Variants in ZHX2 observed in about 807,000 individuals in gnomAD.
ZHX2 encodes zinc fingers and homeoboxes 2.
In ZHX2, 6 loss-of-function variants were observed where a neutral mutation model predicts 21.9. The observed-to-expected ratio is 0.27, with a 90% confidence interval of 0.15 to 0.54. The LOEUF (loss-of-function observed/expected upper bound fraction) is 0.54. Among genes scored for constraint, ZHX2 ranks in the 20% least tolerant of loss-of-function variants. The pLI is 0.95. For missense variants in ZHX2, 908 were observed against 1,090.7 expected (o/e 0.83, Z 2.36); for synonymous variants, 434 against 437.1 (o/e 0.99, Z 0.09).
At chr8:122,913,553 T>A (rs770635142) in intron 2 of ZHX2, among the ~76,000 whole-genome samples, 42 of 152,134 alleles carry the variant, frequency 2.8e-4, no homozygotes, top group Non-Finnish European at 4.1e-4. Flanking sequence ...GGTGGGACTC[T>A]CCCTCTGAGG....
At chr8:122,838,837 A>T (rs559108863) in intron 1 of ZHX2, among the ~76,000 whole-genome samples, 87 of 152,150 alleles carry the variant, frequency 5.7e-4, no homozygotes, top group African/African-American at 2.0e-3. Flanking sequence ...GCCCTCCCAG[A>T]GTGCTGGAAT....
intron 2 of ZHX2, among the ~76,000 whole-genome samples, chr8:122,874,517 G>C (rs1819518678): frequency 6.6e-6 from 1 of 152,096 alleles, no homozygotes; most frequent in Admixed American, 6.6e-5. Flanking sequence ...ATTTTTAGTA[G>C]AGATGGGGTT....
At chr8:122,867,935 G>C (rs190425237) in intron 2 of ZHX2, among the ~76,000 whole-genome samples, 164 of 152,148 alleles carry the variant, frequency 1.1e-3, no homozygotes, top group East Asian at 1.7e-3. Flanking sequence ...GTTTTTCAGA[G>C]GCTCTTCCTT....
chr8:122,969,190 T>C (rs1813659402), intron 3 of ZHX2, among the ~76,000 whole-genome samples: 1 of 151,150 alleles, frequency 6.6e-6, no homozygotes, highest in Non-Finnish European at 1.5e-5. Flanking sequence ...AGAAATATTA[T>C]GGAGCAGTAC....
At chr8:122,808,199 T>A (rs1482065044) in intron 1 of ZHX2, among the ~76,000 whole-genome samples, 1 of 152,234 alleles carries the variant, frequency 6.6e-6, no homozygotes, top group Non-Finnish European at 1.5e-5. Context: ...CAGATTTATA[T>A]ATATGTATGC....
intron 3 of ZHX2, among the ~76,000 whole-genome samples, chr8:122,972,302 T>TG (rs1813744176): frequency 6.6e-6 from 1 of 152,218 alleles, no homozygotes; most frequent in African/African-American, 2.4e-5. Flanking sequence ...TATATACTTT[T>TG]GGGGGGACAC....
At chr8:122,834,691 G>A (rs1818457981) in intron 1 of ZHX2, among the ~76,000 whole-genome samples, 1 of 152,192 alleles carries the variant, frequency 6.6e-6, no homozygotes, top group African/African-American at 2.4e-5. Flanking sequence ...TGGTGGATTG[G>A]GAGATGAACC....
intron 1 of ZHX2, among the ~76,000 whole-genome samples, chr8:122,830,993 T>C (rs985232978): frequency 6.6e-6 from 1 of 152,194 alleles, no homozygotes; most frequent in Non-Finnish European, 1.5e-5. Flanking sequence ...GTGGAGAACT[T>C]ACTTTATTCT....
chr8:122,788,601 A>G (rs568339648), intron 1 of ZHX2, among the ~76,000 whole-genome samples: 10 of 152,236 alleles, frequency 6.6e-5, no homozygotes, highest in Admixed American at 3.9e-4. Flanking sequence ...TAGGAAACGA[A>G]AGCTCAGAGG....
chr8:122,963,299 T>C (rs1813501829), intron 3 of ZHX2, among the ~76,000 whole-genome samples: 1 of 152,214 alleles, frequency 6.6e-6, no homozygotes, highest in African/African-American at 2.4e-5. Flanking sequence ...GATTTTTGTA[T>C]AAGGTGAGAG....
intron 2 of ZHX2, among the ~76,000 whole-genome samples, chr8:122,879,143 A>G (rs188472236): frequency 4.8e-4 from 73 of 152,324 alleles, no homozygotes; most frequent in African/African-American, 1.7e-3. Context: ...GGATTCCTGA[A>G]AGGCAGTCTG....
intron 2 of ZHX2, among the ~76,000 whole-genome samples, chr8:122,898,634 AT>A (rs1820153379): frequency 1.3e-5 from 2 of 152,182 alleles, no homozygotes; most frequent in Non-Finnish European, 2.9e-5. Flanking sequence ...TGATCCTAAT[AT>A]GTCTCGGCCA....
chr8:122,890,728 G>T, intron 2 of ZHX2, among the ~76,000 whole-genome samples: 1 of 152,040 alleles, frequency 6.6e-6, no homozygotes, highest in East Asian at 1.9e-4. Flanking sequence ...ATTGTAAATG[G>T]AATTGCTTCT....
intron 2 of ZHX2, among the ~76,000 whole-genome samples, chr8:122,895,141 G>A (rs1337304899): frequency 1.3e-5 from 2 of 152,092 alleles, no homozygotes; most frequent in African/African-American, 4.8e-5. Context: ...GTATTAAATT[G>A]CAATTAATGT....
At chr8:122,962,790 A>G (rs1813488022) in intron 3 of ZHX2, among the ~76,000 whole-genome samples, 1 of 152,024 alleles carries the variant, frequency 6.6e-6, no homozygotes, top group African/African-American at 2.4e-5. Context: ...AACATCTATT[A>G]TTTTTTGGTT....
At chr8:122,812,547 T>A (rs191487635) in intron 1 of ZHX2, among the ~76,000 whole-genome samples, 1 of 152,302 alleles carries the variant, frequency 6.6e-6, no homozygotes, top group Admixed American at 6.5e-5. Flanking sequence ...CTTTCTCTCA[T>A]GTCTCTGCTC....
In ZHX2 at chr8:122,852,089, G is replaced by A. The variant is rs74373688; in HGVS notation, c.-282-11388G>A. Among the ~76,000 whole-genome samples the A allele has an allele frequency of 9.5e-3, 1,439 of 152,252 alleles. 8 individuals are homozygous for A. The highest frequency in any genetic ancestry group is 0.02 in the Middle Eastern group (6 of 294). On this transcript the variant is annotated intron_variant, in intron 1 of 3. Coordinates refer to ENST00000314393, the MANE Select transcript of ZHX2 (RefSeq NM_014943.5). ...AGGTGGTAAGAAAGGTGTCTGCAAA[G>A]CATCGTTCAGTGACTGTCAGACTTT...
chr8:122,912,190 G>A (rs1202962604), intron 2 of ZHX2, among the ~76,000 whole-genome samples: 1 of 152,206 alleles, frequency 6.6e-6, no homozygotes, highest in Non-Finnish European at 1.5e-5. Flanking sequence ...TTTCCAGTGT[G>A]TTGCTGCTAA....
At chr8:122,830,911 C>T (rs1818360419) in intron 1 of ZHX2, among the ~76,000 whole-genome samples, 1 of 152,130 alleles carries the variant, frequency 6.6e-6, no homozygotes. Flanking sequence ...CTAGAGCCAG[C>T]TTGGTGAGTT....
Sources: allele counts gnomAD v4.1 joint callset (sites outside exome capture counted in the v4.1 genomes callset), GRCh38; gene constraint gnomAD v4.1.1; transcripts MANE v1.5; gene names NCBI Gene and HGNC (gene_info 2026-07-23, HGNC 2026-07-21).